VWCE: variants seen among roughly 807,000 people sequenced by gnomAD.
VWCE encodes the protein von Willebrand factor C and EGF domain-containing protein.
Under a neutral mutation model 102.9 loss-of-function variants are expected in VWCE, and 68 were observed. The ratio of observed to expected loss-of-function variants is 0.66; its 90% CI spans 0.54 to 0.81. The LOEUF is 0.81. VWCE is among the 30% of genes least tolerant of loss of function. The pLI is 0.00. For synonymous variants in VWCE, 497 were observed against 515.4 expected (o/e 0.96, Z 0.48); for missense variants, 1,137 against 1,263.6 (o/e 0.90, Z 1.52).
Position 61,295,201 on chromosome 11 carries a change from G to GGGGCCGA in VWCE, c.-171_-165dup. Reference sequence around the variant, plus strand: ...AGGGGGGCTTGGGACGCCGAGAGGAGGGGCCGAGGGCCGCGAGGGGACGCG... The same window carrying GGGGCCGA: ...AGGGGGGCTTGGGACGCCGAGAGGAGGGGCCGAGGGCCGAGGGCCGCGAGGGGACGCG... On this transcript the variant is annotated 5_prime_UTR_variant, in exon 1 of 20. Transcript: ENST00000335613. This position sits in a 1 kb window ranked among gnomAD's most constrained non-coding sequence, Gnocchi z 4.6. The GGGGCCGA allele has an allele frequency of 2.4e-6, 1 of 409,142 alleles. No individual in the cohort carries two copies. The highest frequency in any genetic ancestry group is 4.2e-6 in the Non-Finnish European group (1 of 239,238). 25.3% of individuals were successfully genotyped at this position (409,142 alleles called of 1,614,324 possible).
chr11:61,266,623 C>G (rs187487600), intron 16 of VWCE, among the ~76,000 whole-genome samples: 2 of 151,974 alleles, frequency 1.3e-5, no homozygotes, highest in African/African-American at 4.8e-5. Flanking sequence ...GACTGAGAGG[C>G]AGTATGACCC....
intron 1 of VWCE, among the ~76,000 whole-genome samples, chr11:61,291,939 T>C (rs985405756): frequency 1.3e-5 from 2 of 152,234 alleles, no homozygotes; most frequent in African/African-American, 4.8e-5. Context: ...AAGGTTCTTA[T>C]GGCTGGGTGT....
At chr11:61,292,981 C>T (rs1220268460) in intron 1 of VWCE, among the ~76,000 whole-genome samples, 1 of 151,812 alleles carries the variant, frequency 6.6e-6, no homozygotes, top group African/African-American at 2.4e-5. Context: ...GTGGCTCACG[C>T]TTGTAATCCC....
intron 14 of VWCE, chr11:61,271,339 G>T (rs1362430796): frequency 4.7e-5 from 12 of 255,494 alleles, no homozygotes; most frequent in Non-Finnish European, 9.5e-5. Context: ...TAGAGACAGG[G>T]TTTCACCATG....
At chr11:61,260,361 C>T (rs1307151495) in intron 19 of VWCE, among the ~76,000 whole-genome samples, 1 of 152,174 alleles carries the variant, frequency 6.6e-6, no homozygotes, top group Admixed American at 6.5e-5. Flanking sequence ...GTACCCTCAA[C>T]CTCCTGGGCT....
intron 19 of VWCE, among the ~76,000 whole-genome samples, chr11:61,259,727 TA>T (rs1472118356): frequency 3.9e-5 from 6 of 152,272 alleles, no homozygotes; most frequent in African/African-American, 1.2e-4. Context: ...GGGGTGCTAA[TA>T]GGGGGCAACG....
At chr11:61,276,736 C>T (rs117537793) in intron 10 of VWCE, 56 bp from the exon 11 acceptor site, 29,798 of 1,406,936 alleles carry the variant, frequency 0.021, 360 homozygotes, top group Middle Eastern at 0.034. Context: ...AGGGTTCATT[C>T]CCCATCTCAC....
At chr11:61,272,915 GAC>G (rs1172214377) in intron 13 of VWCE, among the ~76,000 whole-genome samples, 5 of 149,458 alleles carry the variant, frequency 3.3e-5, no homozygotes, top group Non-Finnish European at 7.4e-5. Context: ...ACAAAACACA[GAC>G]ACACACTCAT....
At chr11:61,260,217 T>C (rs1483418681) in intron 19 of VWCE, among the ~76,000 whole-genome samples, 3 of 152,092 alleles carry the variant, frequency 2.0e-5, no homozygotes, top group Non-Finnish European at 4.4e-5. Flanking sequence ...ATCGTGCCAC[T>C]GCACTCCAGC....
At chr11:61,262,159 G>A (rs935993994) in intron 19 of VWCE, among the ~76,000 whole-genome samples, 1 of 152,142 alleles carries the variant, frequency 6.6e-6, no homozygotes, top group African/African-American at 2.4e-5. Flanking sequence ...TCACCATGTT[G>A]GACAGGCTGG....
Position 61,265,085 on chromosome 11 carries a change from C to T in VWCE, c.2056+37G>A, listed in dbSNP as rs185897507. The T allele has an allele frequency of 1.1e-3, 1,730 of 1,613,666 alleles. 15 individuals are homozygous for T. The African/African-American group carries it at 0.02, about 18-fold the overall frequency. ...GAGCCCATGAGAGCCGAGGCCTGGC[C>T]GGGAACCTGGCACGTGGGGCAGCTG... On this transcript the variant is annotated intron_variant, in intron 17 of 19. Transcript: ENST00000335613.
Position 61,295,275 on chromosome 11 carries a change from A to C in VWCE, c.-238T>G. 7.3e-5 allele frequency: 24 copies of C among 330,978 alleles called. No homozygotes were observed. Among genetic ancestry groups the C allele is most frequent in the East Asian group, 1.8e-4 (4 of 21,810 alleles). The allele number at this position is 330,978 out of a possible 1,614,324, so 20.5% of individuals were successfully genotyped here. ...CTGGCACCTCGAAGCGAAACACACA[A>C]AGGCAACGCCGCCCGCCTGCTGATG... On this transcript the variant is annotated 5_prime_UTR_variant, in exon 1 of 20. Coordinates refer to ENST00000335613, the MANE Select transcript of VWCE (RefSeq NM_152718.2). This position sits in a 1 kb window ranked among gnomAD's most constrained non-coding sequence, Gnocchi z 4.6.
In VWCE at chr11:61,265,162, G is replaced by A. The variant is rs1207716126; in HGVS notation, c.2016C>T (p.Tyr672=). ...SPVDCPITCT[Y]PFHPDGECCP... ...AGCACTCCCCGTCAGGGTGGAAAGG[G>A]TAGGTACAGGTGATGGGGCAGTCCA... The change falls in exon 17 of 20, where the codon TAC becomes TAT. Residue 672 remains tyrosine (Y), a synonymous_variant. Coordinates refer to ENST00000335613, the MANE Select transcript of VWCE (RefSeq NM_152718.2). 9.6e-6 allele frequency: 15 copies of A among 1,556,446 alleles called. No individual in the cohort carries two copies. The highest frequency in any genetic ancestry group is 1.3e-5 in the Non-Finnish European group (15 of 1,150,714).
Position 61,281,810 on chromosome 11 carries a change from G to A in VWCE, c.763C>T (p.Arg255Ter), listed in dbSNP as rs750125198. 4.3e-6 allele frequency: 7 copies of A among 1,613,712 alleles called. No homozygotes were observed. The highest frequency in any genetic ancestry group is 5.1e-6 in the Non-Finnish European group (6 of 1,179,768). The change falls in exon 7 of 20, where the codon CGA becomes TGA. Residue 255 changes from arginine (R) to a stop codon, truncating the protein, a stop_gained. Transcript: ENST00000335613. LOFTEE classifies it high-confidence loss of function. ...CCTTCACAGGACACGCGGTCAGCTCGGAGCCTGAAGCCAGGTCGGCATGTG... is the reference window on the plus strand; with the variant it reads ...CCTTCACAGGACACGCGGTCAGCTCAGAGCCTGAAGCCAGGTCGGCATGTG... ...LCTCRPGFRLRADRVSCEAFP... is the reference protein window; with the variant it reads ...LCTCRPGFRL
chr11:61,265,965 GA>G (rs1340818599), intron 16 of VWCE, among the ~76,000 whole-genome samples: 2 of 152,030 alleles, frequency 1.3e-5, no homozygotes, highest in African/African-American at 4.8e-5. Flanking sequence ...AGAATCGTTT[GA>G]ACCTGGGAGG....
intron 13 of VWCE, 109 bp downstream of exon 13, chr11:61,273,090 A>G: frequency 2.0e-6 from 2 of 985,074 alleles, no homozygotes; most frequent in South Asian, 2.9e-5. Context: ...AGACACATGT[A>G]CACACACACA....
intron 19 of VWCE, among the ~76,000 whole-genome samples, chr11:61,260,941 C>T (rs1369993258): frequency 2.6e-5 from 4 of 152,076 alleles, no homozygotes; most frequent in Non-Finnish European, 5.9e-5. Flanking sequence ...GAAAAAGTAT[C>T]GGCCCAGGCG....
chr11:61,282,141 T>C (rs1855163832), intron 6 of VWCE, among the ~76,000 whole-genome samples: 1 of 152,182 alleles, frequency 6.6e-6, no homozygotes, highest in Admixed American at 6.5e-5. Context: ...AATGCGAGTA[T>C]CAGAGACTCA....
Position 61,258,710 on chromosome 11 carries a change from C to A in VWCE, c.2833G>T (p.Val945Leu). 1.4e-6 allele frequency: 2 copies of A among 1,392,250 alleles called. No individual in the cohort carries two copies. Among genetic ancestry groups the A allele is most frequent in the Non-Finnish European group, 1.9e-6 (2 of 1,069,572 alleles). The allele number at this position is 1,392,250 out of a possible 1,614,324, so 86.2% of individuals were successfully genotyped here. ...GACTCTTCCCCCCGAGAAGCCCCCA[C>A]TGGGGGCTGCTGGGGGCCAGGGTGG... Reference protein sequence around the residue: ...TTHPGPQQPPVGASRGEESTM With the variant: ...TTHPGPQQPPLGASRGEESTM The change falls in exon 20 of 20, where the codon GTG (valine) becomes TTG (leucine). Residue 945 changes from valine to leucine, a missense_variant. Around this residue, in one of 5 missense-constraint regions of VWCE, gnomAD observed 316 missense variants for 319.3 expected, o/e 0.99. Coordinates refer to ENST00000335613, the MANE Select transcript of VWCE (RefSeq NM_152718.2).
Sources: allele counts gnomAD v4.1 joint callset (sites outside exome capture counted in the v4.1 genomes callset), GRCh38; gene constraint gnomAD v4.1.1; regional missense constraint gnomAD v4.1.1; non-coding constraint Gnocchi (gnomAD v3.1); transcripts MANE v1.5; gene names NCBI Gene and HGNC (gene_info 2026-07-23, HGNC 2026-07-21).